CNTNAP5: variants seen among roughly 807,000 people sequenced by gnomAD.
CNTNAP5 encodes contactin associated protein family member 5, also known as contactin-associated protein-like 5.
CNTNAP5 carries 72 observed loss-of-function variants against 150.2 expected under a neutral mutation model. The observed-to-expected ratio is 0.48, with a 90% confidence interval of 0.40 to 0.58. CNTNAP5 has a LOEUF of 0.58. Ranked by LOEUF, CNTNAP5 falls within the 20% of genes least tolerant of loss-of-function variation. CNTNAP5 has a pLI of 0.00. For synonymous variants in CNTNAP5, 672 were observed against 619.8 expected (o/e 1.08, Z -1.25); for missense variants, 1,636 against 1,626.2 (o/e 1.01, Z -0.10).
intron 3 of CNTNAP5, among the ~76,000 whole-genome samples, chr2:124,398,539 C>T (rs928822986): frequency 5.4e-5 from 8 of 149,282 alleles, no homozygotes; most frequent in African/African-American, 2.0e-4. Flanking sequence ...TCTTTTTGCC[C>T]GGACTGGAGT....
chr2:124,306,829 A>G (rs898294656), intron 3 of CNTNAP5, among the ~76,000 whole-genome samples: 18 of 146,934 alleles, frequency 1.2e-4, no homozygotes, highest in Admixed American at 5.6e-4. Context: ...CCAGGTTCCA[A>G]TGATTCTCCT....
At chr2:124,460,048 AGGCAATCCT>A (rs1234543581) in intron 6 of CNTNAP5, among the ~76,000 whole-genome samples, 10 of 152,232 alleles carry the variant, frequency 6.6e-5, no homozygotes, top group African/African-American at 2.4e-4. Flanking sequence ...AAAAGGAATG[AGGCAATCCT>A]ATATGTTCTG....
intron 2 of CNTNAP5, among the ~76,000 whole-genome samples, chr2:124,233,378 A>G (rs764967682): frequency 1.3e-5 from 2 of 152,176 alleles, no homozygotes; most frequent in African/African-American, 4.8e-5. Context: ...AAATTCTGGC[A>G]GTAGAAACCT....
intron 19 of CNTNAP5, among the ~76,000 whole-genome samples, chr2:124,822,545 C>T (rs1288636991): frequency 1.3e-5 from 2 of 152,032 alleles, no homozygotes; most frequent in African/African-American, 4.8e-5. Flanking sequence ...GTACTATTGC[C>T]ATTTTAAAAA....
intron 3 of CNTNAP5, among the ~76,000 whole-genome samples, chr2:124,414,749 A>G (rs1390302224): frequency 6.6e-6 from 1 of 151,316 alleles, no homozygotes; most frequent in Non-Finnish European, 1.5e-5. Flanking sequence ...GTGATATTCA[A>G]TCTACAAATT....
chr2:124,169,474 G>A (rs942702890), intron 1 of CNTNAP5, among the ~76,000 whole-genome samples: 1 of 152,104 alleles, frequency 6.6e-6, no homozygotes, highest in African/African-American at 2.4e-5. Context: ...TCCTGTAAAG[G>A]CTCTTGAGTT....
intron 1 of CNTNAP5, among the ~76,000 whole-genome samples, chr2:124,146,915 A>T (rs1684267711): frequency 6.6e-6 from 1 of 152,198 alleles, no homozygotes; most frequent in African/African-American, 2.4e-5. Context: ...GGAGCCAAAT[A>T]TGCCAGTCTC....
At chr2:124,135,353 G>A (rs919701498) in intron 1 of CNTNAP5, among the ~76,000 whole-genome samples, 5 of 152,182 alleles carry the variant, frequency 3.3e-5, no homozygotes, top group African/African-American at 9.7e-5. Flanking sequence ...CCAGACACAG[G>A]CAAGCAAAGG....
rs368735385 is a variant in CNTNAP5 at position 124,414,271 on chromosome 2, G to A, written c.382-3172G>A. On this transcript the variant is annotated intron_variant, in intron 3 of 23. Transcript: ENST00000682447. ...GCTATTCATCCGGCACATAACTTCC[G>A]GCATTGATAAGTGATTGATTGACTT... 1.6e-4 allele frequency among the ~76,000 whole-genome samples: 24 copies of A among 152,134 alleles called. 2 individuals are homozygous for A. The South Asian group carries it at 3.9e-3, about 25-fold the overall frequency.
intron 1 of CNTNAP5, among the ~76,000 whole-genome samples, chr2:124,122,332 T>A (rs1049702672): frequency 3.3e-5 from 5 of 152,164 alleles, no homozygotes; most frequent in African/African-American, 1.2e-4. Context: ...ATATTTAAAG[T>A]CATAACAGCC....
chr2:124,363,342 C>G (rs1395662467), intron 3 of CNTNAP5, among the ~76,000 whole-genome samples: 2 of 152,010 alleles, frequency 1.3e-5, no homozygotes, highest in Non-Finnish European at 2.9e-5. Flanking sequence ...ATGTGAGTCT[C>G]CAAACAGACT....
chr2:124,034,491 A>C (rs899020752), intron 1 of CNTNAP5, among the ~76,000 whole-genome samples: 2 of 152,154 alleles, frequency 1.3e-5, no homozygotes, highest in South Asian at 4.1e-4. Context: ...GTCTACCTTC[A>C]CCTGGCAGAG....
At chr2:124,473,272 A>C (rs1324154151) in intron 6 of CNTNAP5, among the ~76,000 whole-genome samples, 1 of 95,406 alleles carries the variant, frequency 1.0e-5, no homozygotes, top group Non-Finnish European at 2.7e-5. Flanking sequence ...AAGAAAAATC[A>C]AATATTTAAA....
At chr2:124,346,276 C>T (rs1411751402) in intron 3 of CNTNAP5, among the ~76,000 whole-genome samples, 4 of 152,154 alleles carry the variant, frequency 2.6e-5, no homozygotes, top group Non-Finnish European at 5.9e-5. Flanking sequence ...TGAAATAAGA[C>T]TAGTATTCGT....
chr2:124,874,225 T>C (rs957042798), intron 21 of CNTNAP5, among the ~76,000 whole-genome samples: 3 of 152,244 alleles, frequency 2.0e-5, no homozygotes, highest in African/African-American at 7.2e-5. Context: ...TCAAGAGAGA[T>C]TACTTGGTTC....
At chr2:124,396,847 T>C (rs1691260386) in intron 3 of CNTNAP5, among the ~76,000 whole-genome samples, 1 of 152,192 alleles carries the variant, frequency 6.6e-6, no homozygotes, top group African/African-American at 2.4e-5. Flanking sequence ...TAACAACTGT[T>C]TAATAAACAT....
At chr2:124,636,464 A>G (rs1000251529) in intron 12 of CNTNAP5, among the ~76,000 whole-genome samples, 1 of 152,200 alleles carries the variant, frequency 6.6e-6, no homozygotes, top group Admixed American at 6.5e-5. Flanking sequence ...TTGTGTGCAT[A>G]ACACCTGACA....
intron 13 of CNTNAP5, among the ~76,000 whole-genome samples, chr2:124,702,278 T>G (rs1679537627): frequency 6.8e-6 from 1 of 146,990 alleles, no homozygotes; most frequent in Non-Finnish European, 1.5e-5. Flanking sequence ...ACATTAAGCA[T>G]AAGTACTTCT....
chr2:124,661,003 A>G (rs1331405140), intron 13 of CNTNAP5, among the ~76,000 whole-genome samples: 3 of 151,846 alleles, frequency 2.0e-5, no homozygotes, highest in African/African-American at 7.2e-5. Context: ...GGCACTTACC[A>G]TGAACAGAGC....
Sources: allele counts gnomAD v4.1 joint callset (sites outside exome capture counted in the v4.1 genomes callset), GRCh38; gene constraint gnomAD v4.1.1; transcripts MANE v1.5; gene names NCBI Gene and HGNC (gene_info 2026-07-23, HGNC 2026-07-21).